The following HHAT variants were observed in gnomAD, a reference collection of about 807,000 sequenced individuals.
The protein encoded by HHAT is protein-cysteine N-palmitoyltransferase HHAT.
A neutral mutation model predicts 70.8 loss-of-function variants in HHAT; 47 were observed. The observed-to-expected ratio is 0.66, with a 90% CI of 0.53 to 0.85. The LOEUF is 0.85. Ranked by LOEUF, HHAT falls within the 40% of genes least tolerant of loss-of-function variation. The pLI is 0.00. For synonymous variants in HHAT, 228 were observed against 247.6 expected, an observed-to-expected ratio of 0.92 and a Z score of 0.74; for missense variants, 609 against 604.8, an observed-to-expected ratio of 1.01 and a Z score of -0.07.
chr1:210,554,532 T>C (rs2095555789), intron 9 of HHAT, among the ~76,000 whole-genome samples: 2 of 152,128 alleles, frequency 1.3e-5, no homozygotes, highest in Non-Finnish European at 2.9e-5. Context: ...GTGTGTGATT[T>C]GTGGGTGTGA....
chr1:210,622,660 T>G (rs1364469017), intron 10 of HHAT, among the ~76,000 whole-genome samples: 1 of 152,186 alleles, frequency 6.6e-6, no homozygotes, highest in Non-Finnish European at 1.5e-5. Flanking sequence ...AGTGCCGACG[T>G]GTGCTGCGGG....
chr1:210,583,568 T>C (rs150444293), intron 9 of HHAT, among the ~76,000 whole-genome samples: 141 of 152,294 alleles, frequency 9.3e-4, no homozygotes, highest in Middle Eastern at 3.4e-3. Context: ...AATAACCTGT[T>C]TGCTCTCCTT....
chr1:210,612,795 C>T (rs1289284200), intron 10 of HHAT, among the ~76,000 whole-genome samples: 1 of 152,168 alleles, frequency 6.6e-6, no homozygotes, highest in African/African-American at 2.4e-5. Flanking sequence ...TCTTCATGTC[C>T]TCATCAACAC....
intron 10 of HHAT, among the ~76,000 whole-genome samples, chr1:210,595,477 A>G (rs1662767718): frequency 6.6e-6 from 1 of 152,364 alleles, no homozygotes; most frequent in Admixed American, 6.5e-5. Flanking sequence ...TTGGGTATAT[A>G]CCCAGTAATG....
intron 10 of HHAT, among the ~76,000 whole-genome samples, chr1:210,611,499 A>G (rs1249868913): frequency 6.6e-6 from 1 of 151,896 alleles, no homozygotes. Flanking sequence ...CGCTTTATTT[A>G]TTTCTCTTGC....
chr1:210,642,075 C>G (rs1045297786), intron 11 of HHAT, among the ~76,000 whole-genome samples: 1 of 152,134 alleles, frequency 6.6e-6, no homozygotes, highest in Non-Finnish European at 1.5e-5. Context: ...CCTGTCTTTC[C>G]CATAAGCCCT....
intron 11 of HHAT, among the ~76,000 whole-genome samples, chr1:210,651,043 C>T (rs1427973788): frequency 6.6e-6 from 1 of 152,164 alleles, no homozygotes; most frequent in African/African-American, 2.4e-5. Flanking sequence ...GAGAGAGGAA[C>T]CAGCTCAGAA....
At chr1:210,390,698 T>A (rs112439709) in intron 4 of HHAT, among the ~76,000 whole-genome samples, 1 of 152,186 alleles carries the variant, frequency 6.6e-6, no homozygotes, top group Non-Finnish European at 1.5e-5. Context: ...TACATTCTTA[T>A]GCCTTTGCGT....
At chr1:210,563,846 A>T (rs180731953) in intron 9 of HHAT, among the ~76,000 whole-genome samples, 15 of 152,202 alleles carry the variant, frequency 9.9e-5, no homozygotes, top group African/African-American at 3.4e-4. Context: ...TTTGGAAGAT[A>T]TTTCTTGAGC....
rs1173004210 is a variant in HHAT at position 210,348,916 on chromosome 1, T to G, written c.-43-17T>G. The G allele has an allele frequency of 1.3e-6, 2 of 1,597,872 alleles. No individual in the cohort carries two copies. Among genetic ancestry groups the G allele is most frequent in the East Asian group, 4.5e-5 (2 of 44,804 alleles). ...AGTGTCATGTTCATGGCTTAAAGTT[T>G]TGTCTCTGTTTCTCAGAAACTCTCA... On this transcript the variant is annotated splice_polypyrimidine_tract_variant and intron_variant, in intron 1 of 11. Transcript: ENST00000261458.
chr1:210,570,711 C>G (rs1401366742), intron 9 of HHAT, among the ~76,000 whole-genome samples: 1 of 152,160 alleles, frequency 6.6e-6, no homozygotes, highest in Non-Finnish European at 1.5e-5. Context: ...AAGCAAGCTC[C>G]TCACTGAGGA....
chr1:210,578,694 A>T (rs780597654), intron 9 of HHAT, among the ~76,000 whole-genome samples: 3 of 152,370 alleles, frequency 2.0e-5, no homozygotes, highest in Non-Finnish European at 4.4e-5. Context: ...CATGGAGAAT[A>T]TTCTATTCAG....
chr1:210,596,187 T>C (rs1193005228), intron 10 of HHAT, among the ~76,000 whole-genome samples: 3 of 152,224 alleles, frequency 2.0e-5, no homozygotes, highest in Non-Finnish European at 4.4e-5. Flanking sequence ...TTTCTACATA[T>C]GGCTAGCCAG....
At chr1:210,357,409 T>C (rs2087756159) in intron 2 of HHAT, among the ~76,000 whole-genome samples, 1 of 152,230 alleles carries the variant, frequency 6.6e-6, no homozygotes, top group Non-Finnish European at 1.5e-5. Flanking sequence ...AGATGAAGGA[T>C]CACACAGAAG....
intron 1 of HHAT, 144 bp from the exon 2 acceptor site, chr1:210,348,788 AG>A: frequency 1.5e-6 from 1 of 675,698 alleles, no homozygotes; most frequent in Non-Finnish European, 2.4e-6. Flanking sequence ...GTAAGTTCAC[AG>A]GGAGGAGGAA....
intron 9 of HHAT, among the ~76,000 whole-genome samples, chr1:210,515,925 C>T (rs1174450451): frequency 6.6e-6 from 1 of 151,900 alleles, no homozygotes; most frequent in Non-Finnish European, 1.5e-5. Context: ...CAAAAATTAG[C>T]CAGGCGTGGT....
At chr1:210,577,549 ATTCTTTCAACG>A (rs1658114113) in intron 9 of HHAT, among the ~76,000 whole-genome samples, 1 of 149,554 alleles carries the variant, frequency 6.7e-6, no homozygotes, top group Non-Finnish European at 1.5e-5. Flanking sequence ...ATGACGAACG[ATTCTTTCAACG>A]TACTGTTGAA....
chr1:210,546,601 T>C (rs1305010854), intron 9 of HHAT, among the ~76,000 whole-genome samples: 2 of 152,146 alleles, frequency 1.3e-5, no homozygotes, highest in African/African-American at 4.8e-5. Flanking sequence ...CTGTCTGGCA[T>C]GAGGAACCTC....
Position 210,426,386 on chromosome 1 carries a change from G to C in HHAT, c.856+8061G>C, listed in dbSNP as rs942590872. On this transcript the variant is annotated intron_variant, in intron 7 of 11. Coordinates refer to ENST00000261458, the MANE Select transcript of HHAT (RefSeq NM_018194.6). ...GAACTTCCAATACTATGTTGAATAG[G>C]AGTGGTAAGAGAGGGCATCCTTATC... 3.3e-5 allele frequency among the ~76,000 whole-genome samples: 5 copies of C among 152,290 alleles called. No homozygotes were observed. The East Asian group carries it at 7.7e-4, about 24-fold the overall frequency.
Sources: gnomAD v4.1 joint callset for allele counts (sites outside exome capture counted in the v4.1 genomes callset) on GRCh38, gnomAD v4.1.1 for gene constraint, MANE v1.5 for transcripts, NCBI Gene and HGNC (gene_info 2026-07-23, HGNC 2026-07-21) for gene names.